The following FAM171A1 variants were observed in gnomAD, a reference collection of about 807,000 sequenced individuals.
The protein encoded by FAM171A1 is family with sequence similarity 171 member A1.
FAM171A1 carries 23 observed loss-of-function variants against 74.9 expected under a neutral mutation model. The observed-to-expected ratio is 0.31, with a 90% CI of 0.22 to 0.44. FAM171A1 has a LOEUF of 0.44. FAM171A1 is among the 20% of genes least tolerant of loss of function. The pLI is 1.00. For missense variants in FAM171A1, 1,162 were observed against 1,159.2 expected (o/e 1.00, Z -0.03); for synonymous variants, 527 against 505.7 (o/e 1.04, Z -0.57).
intron 1 of FAM171A1, among the ~76,000 whole-genome samples, chr10:15,359,267 C>T (rs1835966455): frequency 1.3e-5 from 2 of 152,180 alleles, no homozygotes; most frequent in Non-Finnish European, 1.5e-5. Context: ...AAACAAACTT[C>T]ACTCCTGGGG....
At chr10:15,371,992 T>G (rs7067732), upstream of FAM171A1, among the ~76,000 whole-genome samples, 725 of 152,116 alleles carry the variant, frequency 4.8e-3, 9 homozygotes, top group African/African-American at 0.016. Flanking sequence ...TGAAAAATTA[T>G]AAGAGGAAAC....
At chr10:15,333,852 G>T (rs1366787014) in intron 1 of FAM171A1, among the ~76,000 whole-genome samples, 3 of 118,406 alleles carry the variant, frequency 2.5e-5, no homozygotes, top group East Asian at 2.0e-4. Flanking sequence ...AAAAAGAAAA[G>T]AATACTAAAA....
chr10:15,344,690 C>A (rs554867732), intron 1 of FAM171A1, among the ~76,000 whole-genome samples: 241 of 152,124 alleles, frequency 1.6e-3, no homozygotes, highest in Non-Finnish European at 3.0e-3. Flanking sequence ...CAATTGGTGT[C>A]CTGTATTATA....
intron 2 of FAM171A1, among the ~76,000 whole-genome samples, chr10:15,281,315 G>C (rs942985846): frequency 1.3e-5 from 2 of 152,132 alleles, no homozygotes; most frequent in Non-Finnish European, 2.9e-5. Context: ...CTTTATAGTG[G>C]ACTAATACAG....
intron 1 of FAM171A1, among the ~76,000 whole-genome samples, chr10:15,321,183 C>T (rs10906885): frequency 0.76 from 115,025 of 152,154 alleles, 43,639 homozygotes; most frequent in East Asian, 0.92. Context: ...AGCACAAATA[C>T]TAGATGCTTT....
At chr10:15,369,803 C>T (rs926547281) in intron 1 of FAM171A1, among the ~76,000 whole-genome samples, 3 of 152,252 alleles carry the variant, frequency 2.0e-5, no homozygotes, top group Admixed American at 6.5e-5. Context: ...GGATGCAGCA[C>T]TCCTCGTTTC....
At chr10:15,331,493 G>A (rs540930265) in intron 1 of FAM171A1, among the ~76,000 whole-genome samples, 1 of 152,130 alleles carries the variant, frequency 6.6e-6, no homozygotes, top group African/African-American at 2.4e-5. Flanking sequence ...GACACCAAAG[G>A]CGTGTTTCTG....
rs529096323 is a variant in FAM171A1 at position 15,354,685 on chromosome 10, C to T, written c.97+16271G>A. ...GCTGCAGCTCCCGCTGACCCAGCACCGTGGGCCTCAGAATTGCTTTGACAT... is the reference window on the plus strand; with the variant it reads ...GCTGCAGCTCCCGCTGACCCAGCACTGTGGGCCTCAGAATTGCTTTGACAT... On this transcript the variant is annotated intron_variant, in intron 1 of 7. Transcript: ENST00000378116. Among the ~76,000 whole-genome samples the T allele has an allele frequency of 7.2e-5, 11 of 152,318 alleles. No homozygotes were observed. In the South Asian group the frequency reaches 1.2e-3, roughly 17 times the overall value.
intron 5 of FAM171A1, among the ~76,000 whole-genome samples, chr10:15,235,820 C>A (rs1834280970): frequency 6.6e-6 from 1 of 152,198 alleles, no homozygotes; most frequent in Non-Finnish European, 1.5e-5. Flanking sequence ...CGGTCTGGAT[C>A]TACAGGCTTC....
chr10:15,240,354 C>T (rs1018894506), intron 5 of FAM171A1, among the ~76,000 whole-genome samples: 5 of 136,992 alleles, frequency 3.6e-5, no homozygotes, highest in African/African-American at 9.7e-5. Context: ...GAGCGAGACA[C>T]CATCTCACAC....
At chr10:15,274,338 G>T (rs974281596) in intron 3 of FAM171A1, among the ~76,000 whole-genome samples, 10 of 152,106 alleles carry the variant, frequency 6.6e-5, no homozygotes, top group Non-Finnish European at 1.5e-4. Context: ...GGGATGTGAA[G>T]GACCTCCTCA....
At chr10:15,368,682 A>G (rs369606837) in intron 1 of FAM171A1, among the ~76,000 whole-genome samples, 59 of 152,224 alleles carry the variant, frequency 3.9e-4, no homozygotes, top group African/African-American at 1.3e-3. Flanking sequence ...AACTGTATGC[A>G]TAACAACCTA....
At chr10:15,304,491 C>T (rs1375064195) in intron 1 of FAM171A1, among the ~76,000 whole-genome samples, 2 of 152,148 alleles carry the variant, frequency 1.3e-5, no homozygotes, top group African/African-American at 4.8e-5. Flanking sequence ...GCTCCTCTGC[C>T]CCAGAACCCA....
At chr10:15,344,185 T>C (rs1835795211) in intron 1 of FAM171A1, among the ~76,000 whole-genome samples, 1 of 152,182 alleles carries the variant, frequency 6.6e-6, no homozygotes, top group Admixed American at 6.5e-5. Context: ...CTAAAAGTGC[T>C]GAGATTTAAA....
chr10:15,342,576 G>C (rs1044214079), intron 1 of FAM171A1, among the ~76,000 whole-genome samples: 17 of 151,932 alleles, frequency 1.1e-4, no homozygotes, highest in South Asian at 4.2e-4. Flanking sequence ...TCAAACAGAG[G>C]CTCTGTCTCA....
chr10:15,220,059 G>C (rs1355155354), intron 6 of FAM171A1, among the ~76,000 whole-genome samples: 3 of 152,180 alleles, frequency 2.0e-5, no homozygotes, highest in African/African-American at 7.2e-5. Context: ...ATTTGAACTT[G>C]CATTTTAGAA....
chr10:15,342,187 C>T (rs1011435992), intron 1 of FAM171A1, among the ~76,000 whole-genome samples: 4 of 152,160 alleles, frequency 2.6e-5, no homozygotes, highest in Admixed American at 2.6e-4. Context: ...ATCAACAGGA[C>T]GGATTTGTTA....
chr10:15,254,093 C>A (rs1834543863), intron 4 of FAM171A1, among the ~76,000 whole-genome samples: 1 of 152,154 alleles, frequency 6.6e-6, no homozygotes, highest in Non-Finnish European at 1.5e-5. Context: ...CACTCTATGC[C>A]CAGTTGAGGA....
rs78025446 is a variant in FAM171A1, at chr10:15,355,984, A to C, written c.97+14972T>G. ...GGTGTGTGATAAAGTGGTTCTACATAATCAGATAGGATATTCATTGAGATC... is the reference window on the plus strand; with the variant it reads ...GGTGTGTGATAAAGTGGTTCTACATCATCAGATAGGATATTCATTGAGATC... On this transcript the variant is annotated intron_variant, in intron 1 of 7. Coordinates refer to ENST00000378116, the MANE Select transcript of FAM171A1 (RefSeq NM_001010924.2). Among the ~76,000 whole-genome samples the C allele has an allele frequency of 4.1e-3, 624 of 152,118 alleles. 6 individuals carry two copies. Among genetic ancestry groups the C allele is most frequent in the African/African-American group, 0.014 (602 of 41,540 alleles).
Sources: gnomAD v4.1 joint callset for allele counts (sites outside exome capture counted in the v4.1 genomes callset) on GRCh38, gnomAD v4.1.1 for gene constraint, MANE v1.5 for transcripts, NCBI Gene and HGNC (gene_info 2026-07-23, HGNC 2026-07-21) for gene names.